Variants in UBIAD1 observed in about 807,000 individuals in gnomAD.
UBIAD1 encodes UbiA prenyltransferase domain containing 1.
UBIAD1 carries 12 observed loss-of-function variants against 20.1 expected under a neutral mutation model. The observed-to-expected ratio is 0.60, with a 90% CI of 0.38 to 0.97. The LOEUF (loss-of-function observed/expected upper bound fraction) is 0.97. Among genes scored for constraint, UBIAD1 ranks in the 50% least tolerant of loss-of-function variants. The pLI, the probability that UBIAD1 is intolerant of heterozygous loss-of-function variation, is 0.00. For missense variants in UBIAD1, 333 were observed against 419.5 expected, an observed-to-expected ratio of 0.79 and a Z score of 1.80; for synonymous variants, 207 against 189.2, an observed-to-expected ratio of 1.09 and a Z score of -0.77.
intron 1 of UBIAD1, chr1:11,278,745 T>A: frequency 1.5e-6 from 1 of 661,710 alleles, no homozygotes; most frequent in Non-Finnish European, 2.5e-6. Flanking sequence ...ACTGGTGTGC[T>A]GCGGTCATCC....
chr1:11,292,668 TACACACACACACACACAC>T (rs71568319), downstream of UBIAD1, among the ~76,000 whole-genome samples: 8 of 140,742 alleles, frequency 5.7e-5, no homozygotes, highest in South Asian at 9.5e-4. Flanking sequence ...ATTTTATGTA[TACACACACACACACACAC>T]ACACACACAC....
At chr1:11,299,198 A>G (rs2101032097), downstream of UBIAD1, among the ~76,000 whole-genome samples, 1 of 152,316 alleles carries the variant, frequency 6.6e-6, no homozygotes, top group South Asian at 2.1e-4. Context: ...GGCGGGCATG[A>G]CAGCAACATG....
chr1:11,292,838 C>T (rs529156161), downstream of UBIAD1, among the ~76,000 whole-genome samples: 1 of 152,230 alleles, frequency 6.6e-6, no homozygotes, highest in African/African-American at 2.4e-5. Flanking sequence ...CCAGACTGTG[C>T]AGGCTGGTGT....
At chr1:11,282,000 T>G (rs1331037111) in intron 1 of UBIAD1, among the ~76,000 whole-genome samples, 1 of 152,246 alleles carries the variant, frequency 6.6e-6, no homozygotes, top group African/African-American at 2.4e-5. Flanking sequence ...CCATTCTCCT[T>G]TTCAGGGACA....
At chr1:11,276,022 G>C (rs1652012151) in intron 1 of UBIAD1, among the ~76,000 whole-genome samples, 1 of 152,154 alleles carries the variant, frequency 6.6e-6, no homozygotes. Context: ...TCTTGGCTCT[G>C]GAATGGAGGA....
At chr1:11,288,911 C>CA (rs111321614), downstream of UBIAD1, among the ~76,000 whole-genome samples, 7,397 of 137,756 alleles carry the variant, frequency 0.054, 290 homozygotes, top group African/African-American at 0.12. Context: ...GACACTGTCT[C>CA]AAAAAAAAAA....
downstream of UBIAD1, chr1:11,293,333 T>C (rs1638398517): frequency 6.6e-6 from 1 of 152,222 alleles, no homozygotes; most frequent in African/African-American, 2.4e-5. Flanking sequence ...CCCATTAGGA[T>C]CACAAATGGG....
At chr1:11,277,848 T>G (rs1332732856) in intron 1 of UBIAD1, among the ~76,000 whole-genome samples, 2 of 152,158 alleles carry the variant, frequency 1.3e-5, no homozygotes, top group African/African-American at 4.8e-5. Context: ...TTCTCCATGT[T>G]GGTCAGGCTG....
chr1:11,286,743 T>C lies in UBIAD1; in HGVS notation c.*612T>C, dbSNP rs886045071. The C allele has an allele frequency of 5.0e-4, 78 of 155,288 alleles. 1 individual carries two copies. Among genetic ancestry groups the C allele is most frequent in the Admixed American group, 3.1e-4 (5 of 15,984 alleles). 9.6% of individuals were successfully genotyped at this position (155,288 alleles called of 1,614,324 possible). ...CTTTTGTTCTCTCTCCTTTCACTTA[T>C]TGCCACAGTTGAGGAAAAGTGTCAG... On this transcript the variant is annotated 3_prime_UTR_variant, in exon 2 of 2. Transcript: ENST00000376810.
At chr1:11,278,622 A>G (rs563509008) in intron 1 of UBIAD1, 2 of 1,447,498 alleles carry the variant, frequency 1.4e-6, no homozygotes, top group East Asian at 5.2e-5. Flanking sequence ...TAATTGTTGT[A>G]TGTTTGTCCT....
chr1:11,298,606 A>AAATAAATG (rs1189366758), downstream of UBIAD1, among the ~76,000 whole-genome samples: 2 of 151,472 alleles, frequency 1.3e-5, no homozygotes, highest in African/African-American at 4.9e-5. The surrounding 1 kb of genome is among the most constrained non-coding windows in gnomAD (Gnocchi z 4.0). Context: ...ATAAATAAAT[A>AAATAAATG]AAAGTTTCCC....
chr1:11,292,336 A>C (rs115554307), downstream of UBIAD1, among the ~76,000 whole-genome samples: 687 of 152,228 alleles, frequency 4.5e-3, 2 homozygotes, highest in African/African-American at 0.015. Flanking sequence ...CATTAGAGGA[A>C]TCAGCGAGGG....
intron 1 of UBIAD1, chr1:11,294,867 T>G (rs183045550): frequency 2.6e-4 from 186 of 717,494 alleles, no homozygotes; most frequent in African/African-American, 2.5e-3. Context: ...GTCTCGTCTC[T>G]TCCAGTCCTC....
At chr1:11,297,093 A>G (rs1322167471), downstream of UBIAD1, among the ~76,000 whole-genome samples, 2 of 152,222 alleles carry the variant, frequency 1.3e-5, no homozygotes, top group African/African-American at 4.8e-5. Flanking sequence ...AAAAGAAACA[A>G]CTATTCATTG....
downstream of UBIAD1, among the ~76,000 whole-genome samples, chr1:11,292,795 C>A (rs1263147349): frequency 1.3e-5 from 2 of 152,000 alleles, no homozygotes; most frequent in African/African-American, 4.8e-5. Context: ...CACTCTGCTG[C>A]TAATGGACTG....
chr1:11,298,617 A>G (rs1032421016), downstream of UBIAD1, among the ~76,000 whole-genome samples: 2 of 150,532 alleles, frequency 1.3e-5, no homozygotes, highest in African/African-American at 5.0e-5. The surrounding 1 kb of genome is among the most constrained non-coding windows in gnomAD (Gnocchi z 4.0). Flanking sequence ...AAAGTTTCCC[A>G]TGTGCATGTG....
In UBIAD1 at chr1:11,285,756, A is replaced by G. The variant is rs531145980; in HGVS notation, c.642A>G (p.Pro214=). 215 of 1,613,978 alleles carry G rather than the reference A, an allele frequency of 1.3e-4. No individual in the cohort carries two copies. The South Asian group carries it at 2.0e-3, about 15-fold the overall frequency. Residue 214 remains proline (P), a synonymous_variant, in exon 2 of 2, where the codon CCA becomes CCG. Coordinates refer to ENST00000376810, the MANE Select transcript of UBIAD1 (RefSeq NM_013319.3). This position sits in a 1 kb window ranked among gnomAD's most constrained non-coding sequence, Gnocchi z 4.4. ...AGGTGGGGTCCCTGGCCATCTTCCC[A>G]CTGGTCTATGCCATCCCCCTCGCCC... ...AIQVGSLAIF[P]LVYAIPLALS...
intron 1 of UBIAD1, among the ~76,000 whole-genome samples, chr1:11,281,379 G>A (rs753328757): frequency 2.0e-5 from 3 of 152,146 alleles, no homozygotes; most frequent in African/African-American, 2.4e-5. Context: ...CTTCGACTGC[G>A]AGCTCCCTCC....
intron 1 of UBIAD1, among the ~76,000 whole-genome samples, chr1:11,284,058 CAG>C (rs751187462): frequency 6.6e-6 from 1 of 152,162 alleles, no homozygotes; most frequent in Non-Finnish European, 1.5e-5. Context: ...GTGACCAAGC[CAG>C]ACACATGTCC....
Sources: gnomAD v4.1 joint callset for allele counts (sites outside exome capture counted in the v4.1 genomes callset) on GRCh38, gnomAD v4.1.1 for gene constraint, Gnocchi (gnomAD v3.1) non-coding constraint, MANE v1.5 for transcripts, NCBI Gene and HGNC (gene_info 2026-07-23, HGNC 2026-07-21) for gene names.